LARGE1: variants seen among roughly 807,000 people sequenced by gnomAD.
The protein encoded by LARGE1 is xylosyl- and glucuronyltransferase LARGE1.
LARGE1 carries 43 observed loss-of-function variants against 87.6 expected under a neutral mutation model. That is an observed-to-expected ratio of 0.49 (90% CI 0.38 to 0.63). The LOEUF (loss-of-function observed/expected upper bound fraction) is 0.63. Among genes scored for constraint, LARGE1 ranks in the 30% least tolerant of loss-of-function variants. LARGE1 has a pLI of 0.00. For synonymous variants in LARGE1, 434 were observed against 394.6 expected, an observed-to-expected ratio of 1.10 and a Z score of -1.18; for missense variants, 802 against 1,000.2, an observed-to-expected ratio of 0.80 and a Z score of 2.67.
At chr22:33,189,428 G>T (rs1923660197) in intron 11 of LARGE1, among the ~76,000 whole-genome samples, 1 of 152,010 alleles carries the variant, frequency 6.6e-6, no homozygotes, top group African/African-American at 2.4e-5. Context: ...GAAAAATCTT[G>T]GACATTCTGC....
intron 9 of LARGE1, among the ~76,000 whole-genome samples, chr22:33,368,394 C>T (rs770447404): frequency 6.6e-6 from 1 of 152,050 alleles, no homozygotes; most frequent in South Asian, 2.1e-4. Context: ...ATTAGCCAGG[C>T]GTGGTGGCGG....
At position 33,650,624 on chromosome 22, in the gene LARGE1, T is replaced by C; in HGVS notation, c.151A>G (p.Ser51Gly). 1 of 1,603,766 alleles carries C rather than the reference T, an allele frequency of 6.2e-7. No individual in the cohort carries two copies. Among genetic ancestry groups the C allele is most frequent in the South Asian group, 1.1e-5 (1 of 91,060 alleles). The change falls in exon 3 of 15, where the codon AGC becomes GGC. Residue 51 changes from serine to glycine, a missense_variant. Coordinates refer to ENST00000397394, the MANE Select transcript of LARGE1 (RefSeq NM_133642.5). ...SLSPLESQAH[S>G]PRYTASSQRE... ...TGGCTGGAGGCCGTGTACCTGGGGCTGTGTGCCTGGGACTCCAGCGGTGAC... is the reference window on the plus strand; with the variant it reads ...TGGCTGGAGGCCGTGTACCTGGGGCCGTGTGCCTGGGACTCCAGCGGTGAC...
chr22:33,595,239 G>A (rs993136516), intron 5 of LARGE1, among the ~76,000 whole-genome samples: 1 of 152,014 alleles, frequency 6.6e-6, no homozygotes, highest in African/African-American at 2.4e-5. Flanking sequence ...TACAGATAAA[G>A]CATTTCCTTA....
chr22:33,574,064 A>G lies in LARGE1; in HGVS notation c.616-9045T>C, dbSNP rs866031690. 1.1e-4 allele frequency among the ~76,000 whole-genome samples: 16 copies of G among 152,290 alleles called. No homozygotes were observed. The Middle Eastern group carries it at 0.01, about 97-fold the overall frequency. On this transcript the variant is annotated intron_variant, in intron 5 of 14. Coordinates refer to ENST00000397394, the MANE Select transcript of LARGE1 (RefSeq NM_133642.5). ...TTGGTTATATAGGTAAGTTTATGCA[A>G]TGTGGGAAGGGACTAGACATGGGAG...
chr22:33,374,655 T>C (rs1410094526), intron 9 of LARGE1, among the ~76,000 whole-genome samples: 1 of 152,188 alleles, frequency 6.6e-6, no homozygotes, highest in Non-Finnish European at 1.5e-5. Flanking sequence ...TCTCATCTTG[T>C]AGAAATATTA....
intron 1 of LARGE1, among the ~76,000 whole-genome samples, chr22:33,837,409 T>C (rs967046806): frequency 6.6e-6 from 1 of 152,160 alleles, no homozygotes; most frequent in African/African-American, 2.4e-5. Flanking sequence ...TGTCTCCCCC[T>C]GCAACATTAC....
intron 1 of LARGE1, among the ~76,000 whole-genome samples, chr22:33,773,042 G>A (rs546246046): frequency 9.2e-5 from 14 of 152,282 alleles, no homozygotes; most frequent in Admixed American, 9.2e-4. Flanking sequence ...ATGGGGTACT[G>A]CCCCTCAGAC....
At chr22:33,607,600 G>A (rs1038857764) in intron 4 of LARGE1, among the ~76,000 whole-genome samples, 9 of 152,222 alleles carry the variant, frequency 5.9e-5, no homozygotes, top group Middle Eastern at 3.4e-3. Flanking sequence ...GGGTTCCTGG[G>A]TCAGCGGCAA....
At chr22:33,116,853 A>G in the LARGE1 span, among the ~76,000 whole-genome samples, 1 of 152,218 alleles carries the variant, frequency 6.6e-6, no homozygotes, top group African/African-American at 2.4e-5. Flanking sequence ...AGCATACTAC[A>G]TGTTTTACAA....
intron 5 of LARGE1, among the ~76,000 whole-genome samples, chr22:33,588,217 C>T (rs573228993): frequency 6.6e-6 from 1 of 152,150 alleles, no homozygotes; most frequent in Non-Finnish European, 1.5e-5. Flanking sequence ...ACTGCAGTGG[C>T]AAGTGAGACA....
chr22:33,686,541 T>C (rs1282735755), intron 2 of LARGE1, among the ~76,000 whole-genome samples: 2 of 82,314 alleles, frequency 2.4e-5, no homozygotes, highest in East Asian at 6.9e-4. Flanking sequence ...AGACTCCATC[T>C]CAAAAAAAAA....
At chr22:33,797,594 G>A (rs1019513194) in intron 1 of LARGE1, among the ~76,000 whole-genome samples, 7 of 152,172 alleles carry the variant, frequency 4.6e-5, no homozygotes, top group Non-Finnish European at 1.0e-4. Context: ...CTAGGAAACC[G>A]CAGGAGACAA....
chr22:33,891,549 CT>C (rs1270261725), intron 1 of LARGE1, among the ~76,000 whole-genome samples: 1 of 152,140 alleles, frequency 6.6e-6, no homozygotes, highest in East Asian at 1.9e-4. Flanking sequence ...GTAACTTACC[CT>C]TCTCTGGCTT....
At chr22:33,080,148 A>T in the LARGE1 span, among the ~76,000 whole-genome samples, 3 of 152,236 alleles carry the variant, frequency 2.0e-5, no homozygotes, top group East Asian at 1.9e-4. Flanking sequence ...CATGAGTTTT[A>T]GTCTTAGCTT....
chr22:33,689,034 T>C (rs1417613167), intron 2 of LARGE1, among the ~76,000 whole-genome samples: 2 of 152,170 alleles, frequency 1.3e-5, no homozygotes, highest in Admixed American at 6.5e-5. Context: ...AGCCCTGGTT[T>C]AGCGCTTCAG....
At chr22:33,304,647 C>T (rs1401690749) in intron 11 of LARGE1, 140 bp from the exon 12 acceptor site, 1 of 889,302 alleles carries the variant, frequency 1.1e-6, no homozygotes. Context: ...TTGACTCACT[C>T]AGTTCCTTTA....
chr22:33,539,423 T>C (rs1254810803), intron 6 of LARGE1, among the ~76,000 whole-genome samples: 1 of 152,156 alleles, frequency 6.6e-6, no homozygotes, highest in Non-Finnish European at 1.5e-5. Context: ...GGATTCCACA[T>C]AGGCCCAATG....
At chr22:33,081,831 G>T in the LARGE1 span, among the ~76,000 whole-genome samples, 1 of 152,140 alleles carries the variant, frequency 6.6e-6, no homozygotes, top group Non-Finnish European at 1.5e-5. Flanking sequence ...AGCTTTCTCT[G>T]TGCTGGGAAT....
chr22:33,587,557 C>T (rs1311581826), intron 5 of LARGE1, among the ~76,000 whole-genome samples: 4 of 152,010 alleles, frequency 2.6e-5, no homozygotes, highest in East Asian at 1.9e-4. Context: ...CATTTTTCTG[C>T]GAGTCTGTAT....
Sources: gnomAD v4.1 joint callset for allele counts (sites outside exome capture counted in the v4.1 genomes callset) on GRCh38, gnomAD v4.1.1 for gene constraint, MANE v1.5 for transcripts, NCBI Gene and HGNC (gene_info 2026-07-23, HGNC 2026-07-21) for gene names.